Variants in CCDC175 observed in about 807,000 individuals in gnomAD.
CCDC175 encodes coiled-coil domain-containing protein 175.
In CCDC175, 100 loss-of-function variants were observed where a neutral mutation model predicts 114.6. The observed-to-expected ratio is 0.87, with a 90% CI of 0.74 to 1.03. The LOEUF (loss-of-function observed/expected upper bound fraction) is 1.03, where lower values mean the gene tolerates loss of function less well. Among genes scored for constraint, CCDC175 ranks in the 50% least tolerant of loss-of-function variants. The pLI, the probability that CCDC175 is intolerant of heterozygous loss-of-function variation, is 0.00. For missense variants in CCDC175, 880 were observed against 917.8 expected, an observed-to-expected ratio of 0.96 and a Z score of 0.53; for synonymous variants, 306 against 308.7, an observed-to-expected ratio of 0.99 and a Z score of 0.09.
chr14:59,506,571 G>T (rs1892412289), intron 19 of CCDC175, among the ~76,000 whole-genome samples: 1 of 151,928 alleles, frequency 6.6e-6, no homozygotes, highest in East Asian at 1.9e-4. Context: ...TAGAGGCATG[G>T]GCCACCACAC....
intron 7 of CCDC175, among the ~76,000 whole-genome samples, chr14:59,557,656 A>G (rs1394216946): frequency 6.6e-6 from 1 of 151,898 alleles, no homozygotes. Context: ...CATGCTTTCC[A>G]GAAAAGTCAT....
At chr14:59,548,532 G>A (rs866487436) in intron 8 of CCDC175, among the ~76,000 whole-genome samples, 6 of 152,176 alleles carry the variant, frequency 3.9e-5, no homozygotes, top group African/African-American at 9.7e-5. Flanking sequence ...GACCAAGTAA[G>A]CCATGCCAGT....
At chr14:59,543,076 T>C (rs1210380524) in intron 10 of CCDC175, among the ~76,000 whole-genome samples, 2 of 152,148 alleles carry the variant, frequency 1.3e-5, no homozygotes, top group African/African-American at 2.4e-5. Flanking sequence ...GGACTCAGTG[T>C]TGTGATAATG....
At chr14:59,525,579 A>G (rs1893694163) in intron 15 of CCDC175, 145 bp from the exon 16 acceptor site, 2 of 525,336 alleles carry the variant, frequency 3.8e-6, no homozygotes, top group Non-Finnish European at 6.3e-6. Flanking sequence ...CCTTAGAAAA[A>G]CCTATCAACC....
intron 2 of CCDC175, among the ~76,000 whole-genome samples, chr14:59,573,188 A>T (rs541218773): frequency 1.3e-5 from 2 of 152,314 alleles, no homozygotes; most frequent in Admixed American, 1.3e-4. Context: ...TATAAAAAAA[A>T]TGGTTTTCTC....
At chr14:59,523,981 T>C (rs1272611783) in intron 16 of CCDC175, among the ~76,000 whole-genome samples, 5 of 146,528 alleles carry the variant, frequency 3.4e-5, no homozygotes, top group African/African-American at 1.0e-4. Flanking sequence ...AGAGCAAGAC[T>C]CCGTCTCAAA....
At chr14:59,556,633 C>G (rs891776564) in intron 7 of CCDC175, among the ~76,000 whole-genome samples, 11 of 152,140 alleles carry the variant, frequency 7.2e-5, no homozygotes, top group Non-Finnish European at 1.5e-4. Flanking sequence ...AACTAAAGAG[C>G]TTCTGCACAG....
At chr14:59,517,271 G>GCC (rs1893147502) in intron 17 of CCDC175, among the ~76,000 whole-genome samples, 1 of 152,194 alleles carries the variant, frequency 6.6e-6, no homozygotes, top group Non-Finnish European at 1.5e-5. Flanking sequence ...AGACAGGGAT[G>GCC]CCCTCTCTCA....
intron 3 of CCDC175, among the ~76,000 whole-genome samples, chr14:59,571,480 T>C (rs1896847058): frequency 6.6e-6 from 1 of 152,186 alleles, no homozygotes. Context: ...CCAAAGAAGA[T>C]GTACCAAATG....
rs570046511 is a variant in CCDC175, at chr14:59,523,739, T to C, written c.1995+1543A>G. Among the ~76,000 whole-genome samples the C allele has an allele frequency of 2.6e-4, 39 of 152,242 alleles. No homozygotes were observed. The South Asian group carries it at 3.9e-3, about 15-fold the overall frequency. On this transcript the variant is annotated intron_variant, in intron 16 of 19. Coordinates refer to ENST00000537690, the MANE Select transcript of CCDC175 (RefSeq NM_001164399.2). ...GCGCGGTGGCTCAAGCCTGTAATCC[T>C]AGCACTATGGGAGGCCGAGGCGGGC... is the stretch of plus-strand genomic sequence containing the variant.
At position 59,525,304 on chromosome 14, in the gene CCDC175, A is replaced by C. The variant is rs755887655; in HGVS notation, c.1973T>G (p.Leu658Arg). ...INDQKADLLL[L>R]ENKKLKEYIL... ...TACTTCTTTTAATTTTTTATTTTCCAGGAGCAGAAGATCTGCTTTTTGGTC... is the reference window on the plus strand; with the variant it reads ...TACTTCTTTTAATTTTTTATTTTCCCGGAGCAGAAGATCTGCTTTTTGGTC... The change falls in exon 16 of 20, where the codon CTG (leucine) becomes CGG (arginine). Residue 658 changes from leucine to arginine, a missense_variant. Physicochemically the swap from Leu to Arg is moderately radical, Grantham distance 102. Transcript: ENST00000537690. 31 of 1,456,358 alleles carry C rather than the reference A, an allele frequency of 2.1e-5. No homozygotes were observed. The South Asian group carries it at 4.1e-4, about 19-fold the overall frequency. The allele number at this position is 1,456,358 out of a possible 1,614,324, so 90.2% of individuals were successfully genotyped here.
At chr14:59,512,355 G>T (rs1000724308) in intron 17 of CCDC175, among the ~76,000 whole-genome samples, 1 of 152,206 alleles carries the variant, frequency 6.6e-6, no homozygotes, top group African/African-American at 2.4e-5. Context: ...AAGGCACTCT[G>T]TGCCCGCATG....
chr14:59,553,083 G>A (rs567537968), intron 7 of CCDC175, among the ~76,000 whole-genome samples: 2 of 152,238 alleles, frequency 1.3e-5, no homozygotes, highest in South Asian at 4.2e-4. Context: ...AGCAAGGCAG[G>A]CCAACATTCA....
rs1472073132 is a variant in CCDC175 at position 59,521,586 on chromosome 14, T to C, written c.2086A>G (p.Ile696Val). 9.2e-6 allele frequency: 14 copies of C among 1,528,238 alleles called. No homozygotes were observed. The highest frequency in any genetic ancestry group is 1.4e-5 in the African/African-American group (1 of 72,776). 94.7% of individuals were successfully genotyped at this position (1,528,238 alleles called of 1,614,324 possible). ...HTSSDLSRQLIAQEAQYKDLW... is the reference protein window; with the variant it reads ...HTSSDLSRQLVAQEAQYKDLW... ...ACACATTACTTACCCTCCTGAGCTATTAGTTGCCGAGACAAGTCGCTTGAG... is the reference window on the plus strand; with the variant it reads ...ACACATTACTTACCCTCCTGAGCTACTAGTTGCCGAGACAAGTCGCTTGAG... Residue 696 changes from isoleucine to valine, a missense_variant, in exon 17 of 20, where the codon ATA becomes GTA. Ile to Val is a conservative substitution (Grantham distance 29). Transcript: ENST00000537690.
At chr14:59,512,490 T>C (rs566324192) in intron 17 of CCDC175, among the ~76,000 whole-genome samples, 56 of 152,284 alleles carry the variant, frequency 3.7e-4, no homozygotes, top group Middle Eastern at 6.8e-3. Flanking sequence ...CCTGAGAAGG[T>C]TGCTCCAGAT....
chr14:59,534,381 G>A lies in CCDC175; in HGVS notation c.1624-2471C>T, dbSNP rs549629891. On this transcript the variant is annotated intron_variant, in intron 13 of 19. Coordinates refer to ENST00000537690, the MANE Select transcript of CCDC175 (RefSeq NM_001164399.2). ...TCCCCCATCTCCCTGAAGGTGGAGCGTTGGAAAAGAGAGACCAATGCAGAT... is the reference window on the plus strand; with the variant it reads ...TCCCCCATCTCCCTGAAGGTGGAGCATTGGAAAAGAGAGACCAATGCAGAT... Among the ~76,000 whole-genome samples the A allele has an allele frequency of 8.5e-5, 13 of 152,280 alleles. No individual in the cohort carries two copies. In the East Asian group the frequency reaches 1.3e-3, roughly 16 times the overall value.
At chr14:59,551,250 T>A (rs1160365260) in intron 8 of CCDC175, 105 bp downstream of exon 8, 1 of 591,668 alleles carries the variant, frequency 1.7e-6, no homozygotes, top group East Asian at 3.3e-5. Flanking sequence ...TATTGGTCAA[T>A]GAAAAACATC....
intron 19 of CCDC175, among the ~76,000 whole-genome samples, chr14:59,509,068 A>T (rs916151964): frequency 6.6e-6 from 1 of 152,182 alleles, no homozygotes; most frequent in African/African-American, 2.4e-5. Context: ...AGACCTCAAA[A>T]TATATGAAAA....
chr14:59,508,389 G>A (rs1372655362), intron 19 of CCDC175, among the ~76,000 whole-genome samples: 4 of 44,498 alleles, frequency 9.0e-5, no homozygotes, highest in East Asian at 5.4e-4. Flanking sequence ...GCATAACCTC[G>A]TCTCCAAAAT....
Sources: gnomAD v4.1 joint callset for allele counts (sites outside exome capture counted in the v4.1 genomes callset) on GRCh38, gnomAD v4.1.1 for gene constraint, MANE v1.5 for transcripts, NCBI Gene and HGNC (gene_info 2026-07-23, HGNC 2026-07-21) for gene names.